Variants in UNC13C observed in about 807,000 individuals in gnomAD.
UNC13C encodes the protein protein unc-13 homolog C.
Under a neutral mutation model 245.4 loss-of-function variants are expected in UNC13C, and 174 were observed. The observed-to-expected ratio is 0.71, with a 90% CI of 0.63 to 0.80. UNC13C has a LOEUF of 0.80. Among genes scored for constraint, UNC13C ranks in the 30% least tolerant of loss-of-function variants. The pLI, the probability that UNC13C is intolerant of heterozygous loss-of-function variation, is 0.00. For missense variants in UNC13C, 2,829 were observed against 2,602.9 expected (o/e 1.09, Z -1.89); for synonymous variants, 992 against 895.1 (o/e 1.11, Z -1.93).
At chr15:53,893,270 C>T in the UNC13C span, among the ~76,000 whole-genome samples, 2 of 152,314 alleles carry the variant, frequency 1.3e-5, no homozygotes, top group African/African-American at 2.4e-5. Context: ...CCAGAGCTCT[C>T]CTGTATGAGG....
At chr15:54,468,966 C>T (rs903296756) in intron 19 of UNC13C, among the ~76,000 whole-genome samples, 2 of 151,346 alleles carry the variant, frequency 1.3e-5, no homozygotes, top group Non-Finnish European at 3.0e-5. Context: ...TCTCTATTTC[C>T]GTGAAGAATA....
chr15:54,393,305 G>A, intron 18 of UNC13C, 124 bp downstream of exon 18: 1 of 876,878 alleles, frequency 1.1e-6, no homozygotes, highest in Admixed American at 4.1e-5. Flanking sequence ...ATAGAAAATA[G>A]TATTTTTCAA....
intron 17 of UNC13C, among the ~76,000 whole-genome samples, chr15:54,376,405 AG>A (rs2039607690): frequency 6.6e-6 from 1 of 152,240 alleles, no homozygotes; most frequent in Admixed American, 6.5e-5. Flanking sequence ...AAACATAGCC[AG>A]AAAAAGCATA....
At chr15:54,317,295 T>C (rs963043405) in intron 13 of UNC13C, among the ~76,000 whole-genome samples, 3 of 151,972 alleles carry the variant, frequency 2.0e-5, no homozygotes, top group Non-Finnish European at 4.4e-5. Context: ...TATTAAACTA[T>C]ATAACTCAAG....
chr15:54,341,383 C>T (rs2038725162), intron 17 of UNC13C, among the ~76,000 whole-genome samples: 1 of 152,110 alleles, frequency 6.6e-6, no homozygotes, highest in Non-Finnish European at 1.5e-5. Flanking sequence ...CATATTCTCA[C>T]TTATAAGTGA....
At chr15:54,589,289 C>CTTCTTTTTTT (rs1898651054) in intron 30 of UNC13C, among the ~76,000 whole-genome samples, 1 of 53,486 alleles carries the variant, frequency 1.9e-5, no homozygotes, top group African/African-American at 6.8e-5. Context: ...TCTTCTTCTT[C>CTTCTTTTTTT]TTTTTTTTTT....
chr15:53,869,370 TG>T, the UNC13C span, among the ~76,000 whole-genome samples: 3 of 152,316 alleles, frequency 2.0e-5, no homozygotes, highest in South Asian at 6.2e-4. Context: ...TTTCTTTTGA[TG>T]ATGTTTCATG....
At chr15:54,336,421 T>G (rs1481103242) in intron 16 of UNC13C, among the ~76,000 whole-genome samples, 1 of 152,066 alleles carries the variant, frequency 6.6e-6, no homozygotes, top group Non-Finnish European at 1.5e-5. Context: ...TTGCCTTGTT[T>G]GTGCCTTGTC....
At chr15:54,584,271 A>G (rs965504458) in intron 30 of UNC13C, among the ~76,000 whole-genome samples, 3 of 152,228 alleles carry the variant, frequency 2.0e-5, no homozygotes, top group African/African-American at 7.2e-5. Context: ...AAATGTGTTT[A>G]TGATTTAGAA....
chr15:54,605,527 T>A (rs935490891), intron 30 of UNC13C, among the ~76,000 whole-genome samples: 5 of 152,042 alleles, frequency 3.3e-5, no homozygotes, highest in Non-Finnish European at 5.9e-5. Context: ...AGCCCTTTTT[T>A]AAAAAAAATG....
chr15:54,091,552 T>A (rs1306988892), intron 2 of UNC13C, among the ~76,000 whole-genome samples: 1 of 152,180 alleles, frequency 6.6e-6, no homozygotes, highest in African/African-American at 2.4e-5. Flanking sequence ...TCTTTGTAAA[T>A]TTTTATATGC....
At chr15:54,470,965 C>T (rs1892431830) in intron 19 of UNC13C, among the ~76,000 whole-genome samples, 1 of 151,038 alleles carries the variant, frequency 6.6e-6, no homozygotes, top group South Asian at 2.1e-4. Flanking sequence ...TTTTTTAACC[C>T]TATAGTTTTT....
chr15:53,978,082 A>G (rs1408233904), upstream of UNC13C, among the ~76,000 whole-genome samples: 2 of 152,224 alleles, frequency 1.3e-5, no homozygotes, highest in African/African-American at 4.8e-5. Context: ...AATTCCAAGT[A>G]CAGTCAAGTA....
chr15:54,507,319 T>C (rs567998136), intron 23 of UNC13C, 125 bp downstream of exon 23: 2 of 656,980 alleles, frequency 3.0e-6, no homozygotes, highest in East Asian at 5.6e-5. Flanking sequence ...ATAAGGATCT[T>C]AAGAAGCTGG....
Position 54,189,404 on chromosome 15 carries a change from A to G in UNC13C, c.3072-45626A>G, listed in dbSNP as rs150282501. On this transcript the variant is annotated intron_variant, in intron 4 of 32. Coordinates refer to ENST00000260323, the MANE Select transcript of UNC13C (RefSeq NM_001080534.3). ...TCAATTTATTTTAATAGTTCTTCCA[A>G]GAAAAACAACAGCGTCATGACACCA... 4.3e-3 allele frequency among the ~76,000 whole-genome samples: 654 copies of G among 152,214 alleles called. 8 individuals carry two copies. The highest frequency in any genetic ancestry group is 0.015 in the African/African-American group (636 of 41,522).
intron 2 of UNC13C, among the ~76,000 whole-genome samples, chr15:54,076,063 C>CTTT (rs369248247): frequency 0.18 from 22,257 of 124,432 alleles, 2,401 homozygotes; most frequent in South Asian, 0.31. Context: ...CACTTAGATT[C>CTTT]TTTTTTTTTT....
intron 23 of UNC13C, 88 bp from the exon 24 acceptor site, chr15:54,511,665 G>T: frequency 1.2e-6 from 1 of 850,474 alleles, no homozygotes; most frequent in East Asian, 2.7e-5. Flanking sequence ...ATCCAAGATA[G>T]CTATTTTCCA....
At chr15:54,366,762 G>A (rs1406496280) in intron 17 of UNC13C, among the ~76,000 whole-genome samples, 14 of 152,254 alleles carry the variant, frequency 9.2e-5, no homozygotes, top group Admixed American at 8.5e-4. Context: ...AATGAATGGT[G>A]TTTTGTTAAT....
chr15:53,957,860 T>C, the UNC13C span, among the ~76,000 whole-genome samples: 2 of 152,204 alleles, frequency 1.3e-5, no homozygotes, highest in African/African-American at 4.8e-5. Flanking sequence ...ATAGTCCCTG[T>C]CCCCAGGAGC....
Sources: gnomAD v4.1 joint callset for allele counts (sites outside exome capture counted in the v4.1 genomes callset) on GRCh38, gnomAD v4.1.1 for gene constraint, MANE v1.5 for transcripts, NCBI Gene and HGNC (gene_info 2026-07-23, HGNC 2026-07-21) for gene names.